CDK6: variants seen among roughly 807,000 people sequenced by gnomAD.
CDK6 encodes the protein cyclin-dependent kinase 6.
A neutral mutation model predicts 37.1 loss-of-function variants in CDK6; 6 were observed. The ratio of observed to expected loss-of-function variants is 0.16; its 90% confidence interval spans 0.09 to 0.32. CDK6 has a LOEUF of 0.32. CDK6 is among the 10% of genes least tolerant of loss of function. CDK6 has a pLI of 1.00. For missense variants in CDK6, 224 were observed against 418.9 expected (o/e 0.53, Z 4.06); for synonymous variants, 160 against 161.3 (o/e 0.99, Z 0.06).
intron 6 of CDK6, among the ~76,000 whole-genome samples, chr7:92,621,786 C>G (rs994860596): frequency 6.6e-6 from 1 of 152,156 alleles, no homozygotes; most frequent in African/African-American, 2.4e-5. Flanking sequence ...AGTAGCATCA[C>G]CTGCCCTGGA....
chr7:92,742,068 C>A lies in CDK6; in HGVS notation c.370-16275G>T, dbSNP rs188921935. Among the ~76,000 whole-genome samples the A allele has an allele frequency of 1.1e-3, 173 of 152,168 alleles. No individual in the cohort carries two copies. The South Asian group carries it at 0.012, about 10-fold the overall frequency. ...TAAAATGAACCATTTTAGAGACAAA[C>A]AATGATACAAATAAGTACTGGGTTG... On this transcript the variant is annotated intron_variant, in intron 3 of 7. Coordinates refer to ENST00000424848, the MANE Select transcript of CDK6 (RefSeq NM_001145306.2).
At chr7:92,678,506 C>T (rs534054457) in intron 4 of CDK6, among the ~76,000 whole-genome samples, 1 of 152,304 alleles carries the variant, frequency 6.6e-6, no homozygotes, top group East Asian at 1.9e-4. Context: ...TCTCTATTCA[C>T]ATTTTTTTGA....
At chr7:92,816,112 AG>A (rs1294284879) in intron 2 of CDK6, among the ~76,000 whole-genome samples, 1 of 152,194 alleles carries the variant, frequency 6.6e-6, no homozygotes, top group Non-Finnish European at 1.5e-5. Context: ...TCTTTAAAGG[AG>A]TAGAACAAAA....
chr7:92,609,622 T>A lies in CDK6; in HGVS notation c.*5518A>T, dbSNP rs1299824112. 4.3e-6 allele frequency: 1 copy of A among 231,132 alleles called. No homozygotes were observed. Among genetic ancestry groups the A allele is most frequent in the Non-Finnish European group, 8.6e-6 (1 of 116,764 alleles). The allele number at this position is 231,132 out of a possible 1,614,324, so 14.3% of individuals were successfully genotyped here. A position where few individuals can be genotyped will look rare whatever the true frequency, so the allele number is the denominator to read the frequency against. On this transcript the variant is annotated 3_prime_UTR_variant, in exon 8 of 8. Transcript: ENST00000424848. ...ATCTTTAAATTAGGATTTTAAAATT[T>A]AATCAATGTTGAAAGGCCACCATGC...
chr7:92,619,045 G>A (rs1199119516), intron 6 of CDK6, among the ~76,000 whole-genome samples: 1 of 152,080 alleles, frequency 6.6e-6, no homozygotes, highest in Non-Finnish European at 1.5e-5. Context: ...CAGTTGTAAT[G>A]AGGATCAGTT....
intron 4 of CDK6, chr7:92,710,868 C>T (rs1222329971): frequency 1.0e-6 from 1 of 985,248 alleles, no homozygotes; most frequent in African/African-American, 1.7e-5. Flanking sequence ...AAGTTACAGC[C>T]ATGGACCTGA....
At chr7:92,733,381 C>T (rs942623068) in intron 3 of CDK6, among the ~76,000 whole-genome samples, 5 of 152,184 alleles carry the variant, frequency 3.3e-5, no homozygotes, top group Non-Finnish European at 7.4e-5. Flanking sequence ...CACTAGGATG[C>T]CCAGCTAATA....
At chr7:92,665,788 T>C (rs1387800418) in intron 5 of CDK6, among the ~76,000 whole-genome samples, 2 of 152,196 alleles carry the variant, frequency 1.3e-5, no homozygotes, top group Admixed American at 6.5e-5. Flanking sequence ...TATGGCCTAG[T>C]AGGTCAAACA....
In CDK6 at chr7:92,835,461, C is replaced by T. The variant is rs757631693; in HGVS notation, c.-368+1017G>A. 3.5e-4 allele frequency among the ~76,000 whole-genome samples: 53 copies of T among 152,142 alleles called. No homozygotes were observed. The highest frequency in any genetic ancestry group is 7.5e-4 in the Non-Finnish European group (51 of 68,016). On this transcript the variant is annotated intron_variant, in intron 1 of 7. Coordinates refer to ENST00000424848, the MANE Select transcript of CDK6 (RefSeq NM_001145306.2). The surrounding 1 kb of genome is among the most constrained non-coding windows in gnomAD (Gnocchi z 4.2). The stretch of plus-strand genomic sequence containing the variant: ...AAACGGGAGCAGCAATGCCTTTTCC[C>T]CCCCTCTCCTCCACTTTTTTTTGTT...
At chr7:92,732,896 T>C (rs1366233777) in intron 3 of CDK6, among the ~76,000 whole-genome samples, 2 of 152,166 alleles carry the variant, frequency 1.3e-5, no homozygotes, top group Non-Finnish European at 2.9e-5. Context: ...AAGGCCAGAG[T>C]GTAAACAGGG....
chr7:92,788,756 A>G (rs1476270368), intron 2 of CDK6, among the ~76,000 whole-genome samples: 3 of 152,208 alleles, frequency 2.0e-5, no homozygotes, highest in African/African-American at 7.2e-5. Flanking sequence ...GGGATCTGCA[A>G]TAAGATGAAC....
chr7:92,694,993 C>T (rs201898735), intron 4 of CDK6, among the ~76,000 whole-genome samples: 30 of 152,078 alleles, frequency 2.0e-4, no homozygotes, highest in Middle Eastern at 3.4e-3. Flanking sequence ...TAACCTCCTA[C>T]GACATATTAA....
intron 5 of CDK6, among the ~76,000 whole-genome samples, chr7:92,666,865 T>C (rs912268142): frequency 2.0e-5 from 3 of 152,228 alleles, no homozygotes; most frequent in African/African-American, 7.2e-5. Flanking sequence ...CTTTTATCAT[T>C]ATTTTAGAGT....
At chr7:92,741,777 C>T (rs114260320) in intron 3 of CDK6, among the ~76,000 whole-genome samples, 345 of 152,098 alleles carry the variant, frequency 2.3e-3, no homozygotes, top group African/African-American at 8.0e-3. Flanking sequence ...CAGAAACAGA[C>T]GGCATAGTAC....
At chr7:92,693,861 G>A (rs1797649674) in intron 4 of CDK6, among the ~76,000 whole-genome samples, 1 of 152,168 alleles carries the variant, frequency 6.6e-6, no homozygotes, top group African/African-American at 2.4e-5. Context: ...TAGTGAAATT[G>A]GAGTATGGCA....
chr7:92,813,484 T>A (rs1800942620), intron 2 of CDK6, among the ~76,000 whole-genome samples: 1 of 152,286 alleles, frequency 6.6e-6, no homozygotes. Flanking sequence ...ATGATTGAGG[T>A]GGTTTTCTTT....
At chr7:92,679,437 T>G (rs1797282672) in intron 4 of CDK6, among the ~76,000 whole-genome samples, 1 of 152,220 alleles carries the variant, frequency 6.6e-6, no homozygotes, top group African/African-American at 2.4e-5. Context: ...TGTTCCAGTG[T>G]GGTGATATTC....
At chr7:92,689,900 C>T (rs112718580) in intron 4 of CDK6, among the ~76,000 whole-genome samples, 2,658 of 152,086 alleles carry the variant, frequency 0.017, 73 homozygotes, top group African/African-American at 0.061. Flanking sequence ...AGCTTTTTTT[C>T]GTGATTGTTG....
chr7:92,670,759 T>C (rs1227009149), intron 5 of CDK6, among the ~76,000 whole-genome samples: 1 of 152,248 alleles, frequency 6.6e-6, no homozygotes, highest in Non-Finnish European at 1.5e-5. Context: ...CAGCCTCTTC[T>C]TAGACACACA....
Sources: allele counts gnomAD v4.1 joint callset (sites outside exome capture counted in the v4.1 genomes callset), GRCh38; gene constraint gnomAD v4.1.1; non-coding constraint Gnocchi (gnomAD v3.1); transcripts MANE v1.5; gene names NCBI Gene and HGNC (gene_info 2026-07-23, HGNC 2026-07-21).